Variants in ZMIZ1 observed in about 807,000 individuals in gnomAD.
ZMIZ1 encodes zinc finger MIZ domain-containing protein 1.
Under a neutral mutation model 113.9 loss-of-function variants are expected in ZMIZ1, and 17 were observed. The ratio of observed to expected loss-of-function variants is 0.15; its 90% confidence interval spans 0.10 to 0.22. The LOEUF is 0.22. ZMIZ1 is among the 10% of genes least tolerant of loss of function. The pLI is 1.00. For synonymous variants in ZMIZ1, 607 were observed against 603.1 expected, an observed-to-expected ratio of 1.01 and a Z score of -0.09; for missense variants, 1,059 against 1,477.8, an observed-to-expected ratio of 0.72 and a Z score of 4.65.
rs556858631 is a variant in ZMIZ1 at position 79,255,826 on chromosome 10, G to C, written c.281-21355G>C. Among the ~76,000 whole-genome samples the C allele has an allele frequency of 1.1e-4, 17 of 152,246 alleles. No homozygotes were observed. The South Asian group carries it at 3.1e-3, about 28-fold the overall frequency. Reference sequence around the variant, plus strand: ...CTGCTGGAAAACAATAGTGATTTCCGCATCGATCATAAACAGAAGTGATTA... The same window carrying C: ...CTGCTGGAAAACAATAGTGATTTCCCCATCGATCATAAACAGAAGTGATTA... On this transcript the variant is annotated intron_variant, in intron 7 of 24. Coordinates refer to ENST00000334512, the MANE Select transcript of ZMIZ1 (RefSeq NM_020338.4).
chr10:79,175,326 G>T (rs780148), intron 4 of ZMIZ1, among the ~76,000 whole-genome samples: 2 of 152,082 alleles, frequency 1.3e-5, no homozygotes, highest in Admixed American at 6.5e-5. Context: ...GTCTGCCTCT[G>T]GCTCTGGCTC....
intron 2 of ZMIZ1, among the ~76,000 whole-genome samples, chr10:79,129,277 C>A (rs1844650746): frequency 6.6e-6 from 1 of 152,190 alleles, no homozygotes; most frequent in Non-Finnish European, 1.5e-5. Context: ...ATCAGCCCCA[C>A]TAGGGTGGCC....
At position 79,291,025 on chromosome 10, in the gene ZMIZ1, G is replaced by A. The variant is rs569826353; in HGVS notation, c.607G>A (p.Gly203Ser). Residue 203 changes from glycine (G) to serine (S), a missense_variant, in exon 10 of 25, where the codon GGC (glycine) becomes AGC (serine). Transcript: ENST00000334512. ...TCCAGGCGGCAACCCCATGGCGTCGGGCATGACCACCAGCAACCCAGGCCT... is the reference window on the plus strand; with the variant it reads ...TCCAGGCGGCAACCCCATGGCGTCGAGCATGACCACCAGCAACCCAGGCCT... ...MNPGGNPMASGMTTSNPGLNS... is the reference protein window; with the variant it reads ...MNPGGNPMASSMTTSNPGLNS... 3.1e-6 allele frequency: 5 copies of A among 1,614,240 alleles called. No individual in the cohort carries two copies. In the Admixed American group the frequency reaches 8.3e-5, roughly 27 times the overall value.
intron 1 of ZMIZ1, among the ~76,000 whole-genome samples, chr10:79,084,339 CTG>C (rs1842743412): frequency 6.6e-6 from 1 of 152,270 alleles, no homozygotes. Flanking sequence ...TCTTTCTGTT[CTG>C]TGTCCTCACA....
At position 79,311,177 on chromosome 10, in the gene ZMIZ1, C is replaced by T. The variant is rs371692143; in HGVS notation, c.3089C>T (p.Ser1030Leu). ...GGAGCGTCCGACATGCCGGAGCCTT[C>T]GCTGGATGTAAGTTGGGGTCGCCAC... is the stretch of plus-strand genomic sequence containing the variant. ...AQGASDMPEP[S>L]LDLLPELTNP... Residue 1030 changes from serine to leucine, a missense_variant, in exon 24 of 25, where the codon TCG becomes TTG. Transcript: ENST00000334512. The T allele has an allele frequency of 3.7e-6, 6 of 1,610,288 alleles. No individual in the cohort carries two copies. Among genetic ancestry groups the T allele is most frequent in the Non-Finnish European group, 3.4e-6 (4 of 1,178,072 alleles).
intron 19 of ZMIZ1, 61 bp downstream of exon 19, chr10:79,304,236 G>A: frequency 6.4e-7 from 1 of 1,573,000 alleles, no homozygotes; most frequent in South Asian, 1.2e-5. Flanking sequence ...GGGATGGTGA[G>A]GGGTAGGCAG....
chr10:79,081,372 G>A (rs1314933270), intron 1 of ZMIZ1, among the ~76,000 whole-genome samples: 2 of 152,176 alleles, frequency 1.3e-5, no homozygotes, highest in Admixed American at 1.3e-4. Context: ...GGAGACCTGA[G>A]ACCTGACCTG....
intron 7 of ZMIZ1, among the ~76,000 whole-genome samples, chr10:79,224,423 C>T (rs1396696203): frequency 6.6e-6 from 1 of 152,156 alleles, no homozygotes; most frequent in Non-Finnish European, 1.5e-5. Flanking sequence ...TAGCGCAGCC[C>T]TCTCTGGTTC....
At position 79,311,084 on chromosome 10, in the gene ZMIZ1, G is replaced by A. The variant is rs1855123267; in HGVS notation, c.2996G>A (p.Ser999Asn). 3 of 1,613,546 alleles carry A rather than the reference G, an allele frequency of 1.9e-6. No individual in the cohort carries two copies. In the Admixed American group the frequency reaches 5.0e-5, roughly 27 times the overall value. The change falls in exon 24 of 25, where the codon AGC becomes AAC. Residue 999 changes from serine to asparagine, a missense_variant. This residue lies in a region of ZMIZ1 where 225 missense variants were observed against 276.0 expected (regional missense o/e 0.82). Coordinates refer to ENST00000334512, the MANE Select transcript of ZMIZ1 (RefSeq NM_020338.4). ...PPRQPPQAAP[S>N]SHPHSDLTFN... ...CGGCAGCCGCCACAGGCCGCTCCCA[G>A]CAGCCATCCACACAGCGACCTGACC...
chr10:79,188,020 T>G (rs703975), intron 4 of ZMIZ1, among the ~76,000 whole-genome samples: 61,426 of 152,152 alleles, frequency 0.4, 12,921 homozygotes, highest in Non-Finnish European at 0.46. Context: ...TTTTCCCATC[T>G]GTAGATGGTG....
chr10:79,168,394 T>G (rs1309616960), intron 4 of ZMIZ1, among the ~76,000 whole-genome samples: 1 of 152,178 alleles, frequency 6.6e-6, no homozygotes, highest in African/African-American at 2.4e-5. Flanking sequence ...CCCCATGGCC[T>G]TTTTTTGTCT....
chr10:79,260,403 C>T (rs1347420625), intron 7 of ZMIZ1, among the ~76,000 whole-genome samples: 2 of 152,100 alleles, frequency 1.3e-5, no homozygotes, highest in South Asian at 2.1e-4. Flanking sequence ...AATTCATAAA[C>T]GGTCAGGTCA....
chr10:79,144,052 C>T (rs896275184), intron 3 of ZMIZ1, among the ~76,000 whole-genome samples: 2 of 152,170 alleles, frequency 1.3e-5, no homozygotes, highest in African/African-American at 4.8e-5. Flanking sequence ...TGCATGGCTC[C>T]GTGGCAGAGC....
chr10:79,127,090 T>C (rs1490311552), intron 2 of ZMIZ1, among the ~76,000 whole-genome samples: 1 of 152,200 alleles, frequency 6.6e-6, no homozygotes, highest in East Asian at 1.9e-4. Flanking sequence ...CTTTCCTCCT[T>C]CTGCCTCCTT....
At chr10:79,257,116 A>G (rs1478207568) in intron 7 of ZMIZ1, among the ~76,000 whole-genome samples, 1 of 152,226 alleles carries the variant, frequency 6.6e-6, no homozygotes, top group Non-Finnish European at 1.5e-5. Flanking sequence ...CCGAGTGAGC[A>G]CATGCTCCGT....
chr10:79,250,384 G>A (rs1850474585), intron 7 of ZMIZ1, among the ~76,000 whole-genome samples: 1 of 152,258 alleles, frequency 6.6e-6, no homozygotes, highest in Non-Finnish European at 1.5e-5. Flanking sequence ...TGTAACAGGA[G>A]AGCCTGAGAA....
intron 1 of ZMIZ1, among the ~76,000 whole-genome samples, chr10:79,106,313 T>C (rs1843556550): frequency 6.6e-6 from 1 of 152,224 alleles, no homozygotes; most frequent in Non-Finnish European, 1.5e-5. Flanking sequence ...CATCAAGTGC[T>C]GTAGGTTTTG....
intron 7 of ZMIZ1, among the ~76,000 whole-genome samples, chr10:79,262,404 G>GGCTGCAGTGAATCATTC (rs1490105593): frequency 3.9e-5 from 6 of 152,260 alleles, no homozygotes; most frequent in Non-Finnish European, 8.8e-5. Flanking sequence ...TGGAGATCCA[G>GGCTGCAGTGAATCATTC]GCTGCAGTGA....
At chr10:79,159,381 C>T (rs1029734816) in intron 3 of ZMIZ1, among the ~76,000 whole-genome samples, 2 of 152,194 alleles carry the variant, frequency 1.3e-5, no homozygotes, top group Non-Finnish European at 2.9e-5. Context: ...GGTTCCTGAG[C>T]CCCCCTTTCG....
Sources: gnomAD v4.1 joint callset for allele counts (sites outside exome capture counted in the v4.1 genomes callset) on GRCh38, gnomAD v4.1.1 for gene constraint, gnomAD v4.1.1 regional missense constraint, MANE v1.5 for transcripts, NCBI Gene and HGNC (gene_info 2026-07-23, HGNC 2026-07-21) for gene names.